YPEL1: variants seen among roughly 807,000 people sequenced by gnomAD.
YPEL1 encodes the protein yippee like 1.
A neutral mutation model predicts 17.3 loss-of-function variants in YPEL1; 7 were observed. The observed-to-expected ratio is 0.40, with a 90% CI of 0.23 to 0.76. YPEL1 has a LOEUF of 0.76. YPEL1 is among the 30% of genes least tolerant of loss of function. YPEL1 has a pLI of 0.35. For synonymous variants in YPEL1, 59 were observed against 59.6 expected, an observed-to-expected ratio of 0.99 and a Z score of 0.05; for missense variants, 91 against 155.5, an observed-to-expected ratio of 0.59 and a Z score of 2.21.
At chr22:21,718,341 T>C (rs745901507) in intron 1 of YPEL1, among the ~76,000 whole-genome samples, 1 of 151,838 alleles carries the variant, frequency 6.6e-6, no homozygotes, top group African/African-American at 2.4e-5. Flanking sequence ...GGTGGGCACC[T>C]GTAGTCCCAG....
chr22:21,714,299 C>T (rs1173582038), intron 1 of YPEL1, among the ~76,000 whole-genome samples: 4 of 152,202 alleles, frequency 2.6e-5, no homozygotes, highest in Admixed American at 2.6e-4. Context: ...GCTGCTGTGC[C>T]CTTCCTTGGT....
At chr22:21,704,111 A>G (rs2068093828) in intron 2 of YPEL1, 1 of 718,792 alleles carries the variant, frequency 1.4e-6, no homozygotes, top group Non-Finnish European at 2.6e-6. Flanking sequence ...TGCTGCGTCA[A>G]CATTCTGCAA....
chr22:21,729,369 G>T (rs1325317692), intron 1 of YPEL1, among the ~76,000 whole-genome samples: 4 of 151,774 alleles, frequency 2.6e-5, no homozygotes, highest in Middle Eastern at 3.4e-3. Context: ...TGTTTTGGGA[G>T]GCCAAGGTGG....
At chr22:21,731,838 C>T (rs1168353380) in intron 1 of YPEL1, among the ~76,000 whole-genome samples, 2 of 152,202 alleles carry the variant, frequency 1.3e-5, no homozygotes, top group Non-Finnish European at 2.9e-5. Flanking sequence ...GTGCAATTTA[C>T]AGGGCAGTCA....
Position 21,700,991 on chromosome 22 carries a change from A to G in YPEL1, c.*138T>C, listed in dbSNP as rs710172. 406,900 of 648,966 alleles carry G rather than the reference A, an allele frequency of 0.63. 128,425 individuals are homozygous for G. The highest frequency in any genetic ancestry group is 0.7 in the East Asian group (25,674 of 36,512). The allele number at this position is 648,966 out of a possible 1,614,324, so 40.2% of individuals were successfully genotyped here. ...GACACCTTACCCACAGAGATGGCCG[A>G]GAGTGTCAAGAGCTATGCGCAGCTA... is the stretch of plus-strand genomic sequence containing the variant. On this transcript the variant is annotated 3_prime_UTR_variant, in exon 5 of 5. Transcript: ENST00000339468.
At chr22:21,714,324 T>C (rs1216580192) in intron 1 of YPEL1, among the ~76,000 whole-genome samples, 2 of 152,214 alleles carry the variant, frequency 1.3e-5, no homozygotes, top group Non-Finnish European at 2.9e-5. Flanking sequence ...CGGCCTGAGA[T>C]GCTGCCTAAC....
intron 2 of YPEL1, among the ~76,000 whole-genome samples, chr22:21,705,328 G>C (rs1002650130): frequency 6.6e-6 from 1 of 152,152 alleles, no homozygotes; most frequent in Non-Finnish European, 1.5e-5. Flanking sequence ...TCTTAGGTGA[G>C]CTGGTAAGAG....
chr22:21,725,207 C>A (rs1458805761), intron 1 of YPEL1, among the ~76,000 whole-genome samples: 2 of 150,844 alleles, frequency 1.3e-5, no homozygotes, highest in Non-Finnish European at 2.9e-5. Flanking sequence ...CCATACCTGG[C>A]CCTAAAATGG....
chr22:21,701,395 T>C (rs920303841), intron 4 of YPEL1, among the ~76,000 whole-genome samples, 177 bp from the exon 5 acceptor site: 9 of 152,240 alleles, frequency 5.9e-5, no homozygotes, highest in African/African-American at 2.2e-4. Flanking sequence ...ATTGAGGCAG[T>C]GTAGGTTTAC....
At chr22:21,719,610 G>T (rs754154259) in intron 1 of YPEL1, among the ~76,000 whole-genome samples, 9 of 152,124 alleles carry the variant, frequency 5.9e-5, no homozygotes, top group Non-Finnish European at 1.3e-4. Context: ...ATCAGCCAGG[G>T]GCGGTGACTT....
chr22:21,724,912 CTTT>C (rs963204196), intron 1 of YPEL1, among the ~76,000 whole-genome samples: 1 of 142,126 alleles, frequency 7.0e-6, no homozygotes, highest in Non-Finnish European at 1.5e-5. Flanking sequence ...CTTTTTCTTT[CTTT>C]TTTTTTTTTG....
chr22:21,701,066 T>C lies in YPEL1; in HGVS notation c.*63A>G, dbSNP rs1228966863. On this transcript the variant is annotated 3_prime_UTR_variant, in exon 5 of 5. Transcript: ENST00000339468. Reference sequence around the variant, plus strand: ...AGGCTGTCACCAGATGCTCCTACGTTTCCATTACATTCACAGTTTCTTTCA... The same window carrying C: ...AGGCTGTCACCAGATGCTCCTACGTCTCCATTACATTCACAGTTTCTTTCA... 13 of 1,469,108 alleles carry C rather than the reference T, an allele frequency of 8.8e-6. No individual in the cohort carries two copies. Among genetic ancestry groups the C allele is most frequent in the African/African-American group, 1.4e-5 (1 of 71,938 alleles). 91.0% of individuals were successfully genotyped at this position (1,469,108 alleles called of 1,614,324 possible).
In YPEL1 at chr22:21,703,796, C is replaced by A; in HGVS notation, c.161+43G>T. ...TGTGTAGGTGCCATCCAGGCCGTCC[C>A]AGGGCCCGTGCCGCTCCCCCCGGGC... On this transcript the variant is annotated intron_variant, in intron 3 of 4. Transcript: ENST00000339468. This position sits in a 1 kb window ranked among gnomAD's most constrained non-coding sequence, Gnocchi z 6.1. 6.2e-7 allele frequency: 1 copy of A among 1,600,846 alleles called. No individual in the cohort carries two copies. The highest frequency in any genetic ancestry group is 2.3e-5 in the East Asian group (1 of 44,064).
In YPEL1 at chr22:21,703,350, C is replaced by T; in HGVS notation, c.270+20G>A. On this transcript the variant is annotated intron_variant, in intron 4 of 4. Coordinates refer to ENST00000339468, the MANE Select transcript of YPEL1 (RefSeq NM_013313.5). The surrounding 1 kb of genome is among the most constrained non-coding windows in gnomAD (Gnocchi z 6.1). ...GTGCCACATCCCCTTGTGGCACGAG[C>T]ATCCCCTTGTGGCACTCACGTATTT... 1 of 1,608,804 alleles carries T rather than the reference C, an allele frequency of 6.2e-7. No individual in the cohort carries two copies. Among genetic ancestry groups the T allele is most frequent in the Non-Finnish European group, 8.5e-7 (1 of 1,176,372 alleles).
intron 1 of YPEL1, among the ~76,000 whole-genome samples, chr22:21,723,417 G>C (rs2068302631): frequency 6.6e-6 from 1 of 152,104 alleles, no homozygotes; most frequent in South Asian, 2.1e-4. Context: ...ATCCAGGCTG[G>C]AGTGCAGTGG....
chr22:21,708,011 C>T (rs1020656379), intron 2 of YPEL1, among the ~76,000 whole-genome samples: 6 of 152,062 alleles, frequency 3.9e-5, no homozygotes, highest in Non-Finnish European at 8.8e-5. Context: ...CAGGCTCCCT[C>T]GAGCCAGGGG....
chr22:21,704,006 G>C, intron 2 of YPEL1, 124 bp from the exon 3 acceptor site: 1 of 1,049,888 alleles, frequency 9.5e-7, no homozygotes, highest in Admixed American at 2.0e-5. Context: ...ACCGGGAGCA[G>C]ACACCGGCGT....
intron 1 of YPEL1, among the ~76,000 whole-genome samples, chr22:21,712,466 C>T (rs1349076150): frequency 6.8e-6 from 1 of 146,982 alleles, no homozygotes; most frequent in Non-Finnish European, 1.5e-5. Context: ...GTGGCTCACG[C>T]CTGTAATCCC....
chr22:21,708,998 T>C (rs936339178), intron 2 of YPEL1, among the ~76,000 whole-genome samples: 1 of 152,124 alleles, frequency 6.6e-6, no homozygotes, highest in Non-Finnish European at 1.5e-5. Flanking sequence ...AACAGCTCAT[T>C]GATGACCTCC....
Sources: allele counts gnomAD v4.1 joint callset (sites outside exome capture counted in the v4.1 genomes callset), GRCh38; gene constraint gnomAD v4.1.1; non-coding constraint Gnocchi (gnomAD v3.1); transcripts MANE v1.5; gene names NCBI Gene and HGNC (gene_info 2026-07-23, HGNC 2026-07-21).